LPP: variants seen among roughly 807,000 people sequenced by gnomAD.
The protein encoded by LPP is LIM domain containing preferred translocation partner in lipoma.
A neutral mutation model predicts 60.4 loss-of-function variants in LPP; 38 were observed. That is an observed-to-expected ratio of 0.63 (90% CI 0.49 to 0.83). The LOEUF (loss-of-function observed/expected upper bound fraction) is 0.83, where lower values mean the gene tolerates loss of function less well. Among genes scored for constraint, LPP ranks in the 40% least tolerant of loss-of-function variants. The probability of loss-of-function intolerance (pLI) is 0.00; values close to 1 mark genes in which losing one functional copy is unlikely to be tolerated. For missense variants in LPP, 902 were observed against 783.6 expected (o/e 1.15, Z -1.80); for synonymous variants, 328 against 290.8 (o/e 1.13, Z -1.30).
chr3:188,593,038 T>C (rs893713163), intron 6 of LPP, among the ~76,000 whole-genome samples: 3 of 152,194 alleles, frequency 2.0e-5, no homozygotes, highest in Non-Finnish European at 2.9e-5. Flanking sequence ...CCATGAATTG[T>C]ATCCATGGAA....
At chr3:188,450,897 A>C (rs1578994025) in intron 4 of LPP, among the ~76,000 whole-genome samples, 1 of 152,080 alleles carries the variant, frequency 6.6e-6, no homozygotes, top group Admixed American at 6.5e-5. Flanking sequence ...TATACCTCCA[A>C]CTCTTGGCTG....
chr3:188,662,896 G>A (rs1204074630), intron 7 of LPP, among the ~76,000 whole-genome samples: 1 of 152,244 alleles, frequency 6.6e-6, no homozygotes, highest in African/African-American at 2.4e-5. Flanking sequence ...AGGTGTCTGA[G>A]TAATGCGAAG....
chr3:188,353,010 A>G (rs1049171292), intron 3 of LPP, among the ~76,000 whole-genome samples: 3 of 152,172 alleles, frequency 2.0e-5, no homozygotes, highest in South Asian at 2.1e-4. Context: ...TCATAATGCC[A>G]TGTTCTCACT....
Position 188,849,798 on chromosome 3 carries a change from T to G in LPP, c.1411-16402T>G, listed in dbSNP as rs1239846278. Among the ~76,000 whole-genome samples, 3 of 152,240 alleles carry G rather than the reference T, an allele frequency of 2.0e-5. No homozygotes were observed. In the East Asian group the frequency reaches 5.8e-4, roughly 29 times the overall value. ...AAAGAGCCTAGCCCAGTGTTTAGTA[T>G]TGAATAGGTAGATATCTAATGGTAC... On this transcript the variant is annotated intron_variant, in intron 9 of 11. Transcript: ENST00000617246.
chr3:188,547,957 C>G (rs1311551876), intron 6 of LPP, among the ~76,000 whole-genome samples: 1 of 152,178 alleles, frequency 6.6e-6, no homozygotes, highest in East Asian at 1.9e-4. Context: ...AACCACTCAA[C>G]TGCAGTGTGC....
At chr3:188,396,098 A>G (rs1780885101) in intron 3 of LPP, among the ~76,000 whole-genome samples, 1 of 152,178 alleles carries the variant, frequency 6.6e-6, no homozygotes, top group African/African-American at 2.4e-5. Flanking sequence ...CTAACTCCCC[A>G]TCTTGTTGCT....
chr3:188,228,410 A>T (rs1452027222), intron 2 of LPP, among the ~76,000 whole-genome samples: 1 of 152,152 alleles, frequency 6.6e-6, no homozygotes, highest in Non-Finnish European at 1.5e-5. Context: ...TCTATCGGGC[A>T]TTGGCTGACT....
At chr3:188,243,866 A>G (rs1225430642) in intron 2 of LPP, among the ~76,000 whole-genome samples, 4 of 150,094 alleles carry the variant, frequency 2.7e-5, no homozygotes, top group African/African-American at 7.3e-5. Flanking sequence ...TTAATTAATT[A>G]TTTTATTTTT....
At chr3:188,774,923 G>T (rs771284049) in intron 9 of LPP, among the ~76,000 whole-genome samples, 100 of 152,178 alleles carry the variant, frequency 6.6e-4, no homozygotes, top group Non-Finnish European at 1.1e-3. Context: ...TTTATAAAGG[G>T]ACTCAATTTA....
intron 2 of LPP, among the ~76,000 whole-genome samples, chr3:188,308,524 A>G (rs1221290746): frequency 6.6e-6 from 1 of 152,182 alleles, no homozygotes; most frequent in African/African-American, 2.4e-5. Context: ...TGATAGTGAA[A>G]ATATTTAACA....
At chr3:188,509,873 G>GTTTTT (rs35389820) in intron 5 of LPP, among the ~76,000 whole-genome samples, 5 of 111,034 alleles carry the variant, frequency 4.5e-5, no homozygotes, top group Admixed American at 1.1e-4. Context: ...TTTTTTTGTT[G>GTTTTT]TTTTTTTTTT....
At chr3:188,171,614 A>T (rs1721610177) in intron 1 of LPP, among the ~76,000 whole-genome samples, 1 of 152,244 alleles carries the variant, frequency 6.6e-6, no homozygotes, top group African/African-American at 2.4e-5. Context: ...TTATGGAATC[A>T]TATTGTTGTT....
chr3:188,573,588 A>G (rs1372490576), intron 6 of LPP, among the ~76,000 whole-genome samples: 2 of 152,140 alleles, frequency 1.3e-5, no homozygotes, highest in African/African-American at 4.8e-5. Context: ...GAGTTTTCTA[A>G]CGTGTAGAAG....
intron 2 of LPP, among the ~76,000 whole-genome samples, chr3:188,289,046 T>G (rs1745073287): frequency 6.6e-6 from 1 of 152,110 alleles, no homozygotes; most frequent in African/African-American, 2.4e-5. Flanking sequence ...TTTAGTGGGT[T>G]TTAGGCTTCA....
At chr3:188,616,157 A>G (rs1193781856) in intron 7 of LPP, among the ~76,000 whole-genome samples, 4 of 152,140 alleles carry the variant, frequency 2.6e-5, no homozygotes, top group Non-Finnish European at 5.9e-5. Flanking sequence ...GCCGTTGCCC[A>G]TGCCTGTGTC....
intron 2 of LPP, among the ~76,000 whole-genome samples, chr3:188,230,070 A>G (rs952261014): frequency 6.6e-6 from 1 of 152,096 alleles, no homozygotes; most frequent in Non-Finnish European, 1.5e-5. Context: ...TATAAAGGAG[A>G]AATACACATT....
At chr3:188,608,722 A>C (rs1413787246) in intron 6 of LPP, among the ~76,000 whole-genome samples, 1 of 152,144 alleles carries the variant, frequency 6.6e-6, no homozygotes, top group African/African-American at 2.4e-5. Context: ...TTTGGTATTT[A>C]GATAGGGATC....
intron 4 of LPP, among the ~76,000 whole-genome samples, chr3:188,444,028 A>G (rs1489463347): frequency 6.6e-6 from 1 of 152,186 alleles, no homozygotes; most frequent in African/African-American, 2.4e-5. Flanking sequence ...TAATTTTCAA[A>G]TACATCTTTG....
chr3:188,704,645 C>T (rs191497729), intron 7 of LPP, among the ~76,000 whole-genome samples: 8 of 152,086 alleles, frequency 5.3e-5, no homozygotes, highest in Non-Finnish European at 8.8e-5. Flanking sequence ...AAACACTTAC[C>T]GTGGTTTCTA....
Sources: gnomAD v4.1 joint callset for allele counts (sites outside exome capture counted in the v4.1 genomes callset) on GRCh38, gnomAD v4.1.1 for gene constraint, MANE v1.5 for transcripts, NCBI Gene and HGNC (gene_info 2026-07-23, HGNC 2026-07-21) for gene names.